NAAA: variants seen among roughly 807,000 people sequenced by gnomAD.
NAAA encodes N-acylethanolamine-hydrolyzing acid amidase.
Under a neutral mutation model 44.8 loss-of-function variants are expected in NAAA, and 39 were observed. The ratio of observed to expected loss-of-function variants is 0.87; its 90% CI spans 0.67 to 1.14. The LOEUF (loss-of-function observed/expected upper bound fraction) is 1.14. Among genes scored for constraint, NAAA ranks in the 50% most tolerant of loss-of-function variants. The pLI is 0.00. For missense variants in NAAA, 460 were observed against 467.8 expected (o/e 0.98, Z 0.15); for synonymous variants, 178 against 191.3 (o/e 0.93, Z 0.58).
Position 75,936,241 on chromosome 4 carries a change from A to T in NAAA, c.372-6T>A. On this transcript the variant is annotated splice_polypyrimidine_tract_variant and splice_region_variant and intron_variant, in intron 2 of 10. Coordinates refer to ENST00000286733, the MANE Select transcript of NAAA (RefSeq NM_014435.4). ...CCACAATACTGGTGCAGAACCTGAG[A>T]AAAGGGAAAAGTCCAACATGAATGA... The T allele has an allele frequency of 1.2e-6, 2 of 1,611,412 alleles. No homozygotes were observed. Among genetic ancestry groups the T allele is most frequent in the Non-Finnish European group, 1.7e-6 (2 of 1,179,062 alleles).
At chr4:75,935,820 G>C (rs1056122047) in intron 3 of NAAA, 3 of 468,700 alleles carry the variant, frequency 6.4e-6, no homozygotes, top group Non-Finnish European at 1.1e-5. Flanking sequence ...GAAAGCAGAG[G>C]AAAGAGCTGA....
chr4:75,919,523 G>GCGA, intron 8 of NAAA: 1 of 254,608 alleles, frequency 3.9e-6, no homozygotes, highest in Non-Finnish European at 7.3e-6. Flanking sequence ...CGCTCTGTCA[G>GCGA]GCTGGAGTGC....
At position 75,925,591 on chromosome 4, in the gene NAAA, A is replaced by G. The variant is rs151336197; in HGVS notation, c.666+144T>C. 55 of 738,916 alleles carry G rather than the reference A, an allele frequency of 7.4e-5. No individual in the cohort carries two copies. In the African/African-American group the frequency reaches 9.0e-4, roughly 12 times the overall value. 45.8% of individuals were successfully genotyped at this position (738,916 alleles called of 1,614,324 possible). A position where few individuals can be genotyped will look rare whatever the true frequency, so the allele number is the denominator to read the frequency against. ...TGGCTTTATCTTTGACATTTATCAA[A>G]AAGATTTATATGCACTTTGCAGACA... On this transcript the variant is annotated intron_variant, in intron 5 of 10. Coordinates refer to ENST00000286733, the MANE Select transcript of NAAA (RefSeq NM_014435.4).
chr4:75,925,998 T>C (rs3733233), intron 4 of NAAA, among the ~76,000 whole-genome samples, 187 bp from the exon 5 acceptor site: 46,294 of 152,054 alleles, frequency 0.3, 7,182 homozygotes, highest in East Asian at 0.44. Context: ...CCAGGCAAAA[T>C]AAAATTATGT....
chr4:75,913,653 C>T (rs950106909), downstream of NAAA: 45 of 977,754 alleles, frequency 4.6e-5, no homozygotes, highest in Non-Finnish European at 4.9e-5. Context: ...GAGAGCATAA[C>T]GCTAAGTTTC....
intron 5 of NAAA, 43 bp from the exon 6 acceptor site, chr4:75,921,166 T>C (rs1231836533): frequency 9.2e-6 from 14 of 1,529,704 alleles, no homozygotes; most frequent in East Asian, 4.5e-5. Flanking sequence ...CCACCTGCAG[T>C]TGGGTCCACA....
At position 75,914,092 on chromosome 4, in the gene NAAA, T is replaced by C. The variant is rs1222837435; in HGVS notation, c.*283A>G. ...ATGGCTTGATCTCTGAGACCAATTA[T>C]CTTTGAGTTATTCAGGCCAGGATAG... On this transcript the variant is annotated 3_prime_UTR_variant, in exon 11 of 11. Coordinates refer to ENST00000286733, the MANE Select transcript of NAAA (RefSeq NM_014435.4). 1.0e-6 allele frequency: 1 copy of C among 985,342 alleles called. No homozygotes were observed. Among genetic ancestry groups the C allele is most frequent in the East Asian group, 1.1e-4 (1 of 8,816 alleles). The allele number at this position is 985,342 out of a possible 1,614,324, so 61.0% of individuals were successfully genotyped here.
At position 75,918,877 on chromosome 4, in the gene NAAA, T is replaced by C. The variant is rs1725879417; in HGVS notation, c.970-88A>G. 3 of 1,289,726 alleles carry C rather than the reference T, an allele frequency of 2.3e-6. No individual in the cohort carries two copies. In the East Asian group the frequency reaches 7.0e-5, roughly 30 times the overall value. The allele number at this position is 1,289,726 out of a possible 1,614,324, so 79.9% of individuals were successfully genotyped here. A position where few individuals can be genotyped will look rare whatever the true frequency, so the allele number is the denominator to read the frequency against. ...TCTATGGAGGGCCGGGTGCAGTGGC[T>C]CAGGCCTGTAATCCCAGCACTTTGG... On this transcript the variant is annotated intron_variant, in intron 8 of 10. Transcript: ENST00000286733.
chr4:75,940,309 C>T, intron 1 of NAAA, 144 bp from the exon 2 acceptor site: 1 of 752,474 alleles, frequency 1.3e-6, no homozygotes, highest in Non-Finnish European at 2.0e-6. Flanking sequence ...CCAGGCGCGG[C>T]GTCACTCAAT....
At chr4:75,923,171 T>G (rs1430100359) in intron 5 of NAAA, among the ~76,000 whole-genome samples, 1 of 152,158 alleles carries the variant, frequency 6.6e-6, no homozygotes. Context: ...GCCTCCTGAG[T>G]GTCTGGGACT....
chr4:75,924,398 C>T (rs1280591913), intron 5 of NAAA, among the ~76,000 whole-genome samples: 1 of 152,234 alleles, frequency 6.6e-6, no homozygotes, highest in Non-Finnish European at 1.5e-5. Flanking sequence ...GATTTCATCC[C>T]ACTATTCAGA....
chr4:75,923,249 A>AT (rs1222368094), intron 5 of NAAA, among the ~76,000 whole-genome samples: 2 of 151,822 alleles, frequency 1.3e-5, no homozygotes, highest in South Asian at 2.1e-4. Flanking sequence ...CAGCATATGG[A>AT]TTTTTTTTCT....
intron 5 of NAAA, among the ~76,000 whole-genome samples, chr4:75,925,109 A>T (rs1726542069): frequency 6.6e-6 from 1 of 151,800 alleles, no homozygotes; most frequent in Non-Finnish European, 1.5e-5. Context: ...CTCCTACCTC[A>T]GCCTCCGGCT....
At chr4:75,937,943 G>A (rs1391889867) in intron 2 of NAAA, among the ~76,000 whole-genome samples, 2 of 152,234 alleles carry the variant, frequency 1.3e-5, no homozygotes, top group African/African-American at 2.4e-5. Context: ...AGGCCCAAAT[G>A]TTGTAGTGTG....
intron 9 of NAAA, 126 bp downstream of exon 9, chr4:75,918,635 C>T (rs1234439817): frequency 1.2e-5 from 11 of 911,898 alleles, no homozygotes; most frequent in Non-Finnish European, 1.8e-5. Context: ...ACAGGAGTGC[C>T]CCCACAGGAG....
rs767482121 is a variant in NAAA at position 75,940,180 on chromosome 4, C to T, written c.207-15G>A. The T allele has an allele frequency of 1.9e-6, 3 of 1,610,380 alleles. No homozygotes were observed. The highest frequency in any genetic ancestry group is 2.5e-6 in the Non-Finnish European group (3 of 1,177,422). On this transcript the variant is annotated splice_polypyrimidine_tract_variant and intron_variant, in intron 1 of 10. Coordinates refer to ENST00000286733, the MANE Select transcript of NAAA (RefSeq NM_014435.4). ...GGACTCTGTCCCTAGAAACAAAAAGCACAAGGGCGTCTGACCCGCTCAGAG... is the reference window on the plus strand; with the variant it reads ...GGACTCTGTCCCTAGAAACAAAAAGTACAAGGGCGTCTGACCCGCTCAGAG...
chr4:75,940,337 TG>T (rs938629497), intron 1 of NAAA, 172 bp from the exon 2 acceptor site: 5 of 93,028 alleles, frequency 5.4e-5, no homozygotes, highest in African/African-American at 6.8e-5. Context: ...CTCCCGGGAG[TG>T]GGGGGAAGGG....
At chr4:75,920,043 T>C (rs1255593835) in intron 7 of NAAA, 68 bp from the exon 8 acceptor site, 1 of 1,404,074 alleles carries the variant, frequency 7.1e-7, no homozygotes, top group South Asian at 1.2e-5. Context: ...GCTGTCATTT[T>C]TGGGAGGCAG....
intron 3 of NAAA, among the ~76,000 whole-genome samples, chr4:75,932,827 A>G (rs897620929): frequency 6.6e-6 from 1 of 151,824 alleles, no homozygotes; most frequent in African/African-American, 2.4e-5. Context: ...TCTGATACCA[A>G]ATTTTATTTT....
Sources: allele counts gnomAD v4.1 joint callset (sites outside exome capture counted in the v4.1 genomes callset), GRCh38; gene constraint gnomAD v4.1.1; transcripts MANE v1.5; gene names NCBI Gene and HGNC (gene_info 2026-07-23, HGNC 2026-07-21).